The following TSPAN11 variants were observed in gnomAD, a reference collection of about 807,000 sequenced individuals.
The protein encoded by TSPAN11 is tetraspanin 11, also known as tetraspanin-11.
In TSPAN11, 29 loss-of-function variants were observed where a neutral mutation model predicts 32.9. That is an observed-to-expected ratio of 0.88 (90% CI 0.66 to 1.20). TSPAN11 has a LOEUF of 1.20. Ranked by LOEUF, TSPAN11 falls within the 50% of genes most tolerant of loss-of-function variation. TSPAN11 has a pLI of 0.00. For synonymous variants in TSPAN11, 140 were observed against 141.3 expected, an observed-to-expected ratio of 0.99 and a Z score of 0.07; for missense variants, 283 against 329.1, an observed-to-expected ratio of 0.86 and a Z score of 1.08.
intron 7 of TSPAN11, among the ~76,000 whole-genome samples, chr12:30,983,384 A>G (rs11836457): frequency 0.082 from 12,518 of 152,222 alleles, 943 homozygotes; most frequent in African/African-American, 0.2. Context: ...ACTTGTCAGG[A>G]ACAGGGACCT....
intron 5 of TSPAN11, among the ~76,000 whole-genome samples, chr12:30,980,183 G>C (rs919073566): frequency 5.9e-5 from 9 of 152,214 alleles, no homozygotes; most frequent in Non-Finnish European, 1.2e-4. Context: ...GGACAGAAAG[G>C]TTTTCTCCTA....
chr12:31,009,071 C>T, the TSPAN11 span, among the ~76,000 whole-genome samples: 6 of 152,244 alleles, frequency 3.9e-5, no homozygotes, highest in South Asian at 1.2e-3. Context: ...CAATGACTAA[C>T]ACTATAAAAC....
intron 1 of TSPAN11, among the ~76,000 whole-genome samples, chr12:30,930,024 G>A (rs1325250066): frequency 3.3e-5 from 5 of 152,152 alleles, no homozygotes; most frequent in African/African-American, 1.2e-4. Flanking sequence ...TGTTGAGGAC[G>A]GAGACTGTGG....
chr12:31,014,360 A>C, the TSPAN11 span, among the ~76,000 whole-genome samples: 4 of 152,236 alleles, frequency 2.6e-5, no homozygotes, highest in African/African-American at 9.6e-5. Context: ...TGTTAGAACC[A>C]TTCTAACACC....
chr12:31,010,454 C>T, the TSPAN11 span, among the ~76,000 whole-genome samples: 5 of 152,008 alleles, frequency 3.3e-5, no homozygotes, highest in Non-Finnish European at 7.4e-5. Context: ...CATGTGAGGC[C>T]CTTGGTCAAG....
chr12:30,988,740 C>T (rs1054449264), intron 7 of TSPAN11, among the ~76,000 whole-genome samples: 2 of 152,130 alleles, frequency 1.3e-5, no homozygotes, highest in East Asian at 1.9e-4. Context: ...TCAGAGTCCC[C>T]GGGCTCATCT....
At chr12:30,966,294 CAG>C (rs1488973911) in intron 3 of TSPAN11, among the ~76,000 whole-genome samples, 5 of 152,144 alleles carry the variant, frequency 3.3e-5, no homozygotes, top group African/African-American at 4.8e-5. Context: ...AGGTCACAGT[CAG>C]GGGAGGGTAG....
At chr12:30,966,515 T>C (rs1938736247) in intron 3 of TSPAN11, among the ~76,000 whole-genome samples, 1 of 152,228 alleles carries the variant, frequency 6.6e-6, no homozygotes, top group African/African-American at 2.4e-5. Context: ...CAAGAGGTCA[T>C]ATTCACCCCC....
At chr12:30,982,822 C>A in intron 6 of TSPAN11, 132 bp downstream of exon 6, 1 of 1,336,056 alleles carries the variant, frequency 7.5e-7, no homozygotes. Context: ...CACGAGCCCA[C>A]AGTGTCTGGG....
chr12:30,979,490 G>A, intron 4 of TSPAN11, 76 bp from the exon 5 acceptor site: 1 of 1,364,040 alleles, frequency 7.3e-7, no homozygotes, highest in Non-Finnish European at 1.0e-6. Context: ...GCTGGGGGGA[G>A]TTGGAAGTGG....
chr12:30,941,818 G>C (rs1050477906), intron 1 of TSPAN11, among the ~76,000 whole-genome samples: 3 of 152,220 alleles, frequency 2.0e-5, no homozygotes, highest in Non-Finnish European at 4.4e-5. Context: ...CCCCACCAAG[G>C]GTTCTCCTTT....
chr12:30,938,878 A>T (rs954597761), intron 1 of TSPAN11, among the ~76,000 whole-genome samples: 2 of 152,216 alleles, frequency 1.3e-5, no homozygotes, highest in African/African-American at 4.8e-5. Flanking sequence ...TGACTTTGGC[A>T]TCAGCAACAC....
At chr12:30,948,908 T>C (rs1277640096) in intron 1 of TSPAN11, among the ~76,000 whole-genome samples, 1 of 152,222 alleles carries the variant, frequency 6.6e-6, no homozygotes, top group Non-Finnish European at 1.5e-5. Flanking sequence ...ATGCTTTTAA[T>C]AGCACCCAAG....
rs72480042 is a variant in TSPAN11, at chr12:30,933,225, A to G, written c.-12+6429A>G. Among the ~76,000 whole-genome samples the G allele has an allele frequency of 6.8e-3, 1,031 of 151,978 alleles. 75 individuals are homozygous for G. In the South Asian group the frequency reaches 0.13, roughly 20 times the overall value. On this transcript the variant is annotated intron_variant, in intron 1 of 7. Coordinates refer to ENST00000546076, the MANE Select transcript of TSPAN11 (RefSeq NM_001370302.1). ...ACTCTCTGGGTGATCCTTGTCCTCT[A>G]ATTTAACTGGGCAGAGGAGGACACT...
chr12:30,986,226 C>A (rs1449667911), intron 7 of TSPAN11, among the ~76,000 whole-genome samples: 1 of 152,206 alleles, frequency 6.6e-6, no homozygotes, highest in Non-Finnish European at 1.5e-5. Context: ...TGTTCCCCAG[C>A]CCCCAGCTAC....
intron 3 of TSPAN11, among the ~76,000 whole-genome samples, chr12:30,974,650 C>T (rs964253226): frequency 1.3e-5 from 2 of 152,238 alleles, no homozygotes; most frequent in Admixed American, 6.5e-5. Flanking sequence ...ATACCAGGCA[C>T]TGTGGAGGAG....
intron 2 of TSPAN11, among the ~76,000 whole-genome samples, chr12:30,958,721 C>T (rs2140288762): frequency 1.3e-5 from 2 of 152,318 alleles, no homozygotes; most frequent in South Asian, 4.1e-4. Flanking sequence ...AGAAGTCACT[C>T]TGGTGGTTAC....
chr12:31,006,363 T>C, the TSPAN11 span, among the ~76,000 whole-genome samples: 1 of 152,158 alleles, frequency 6.6e-6, no homozygotes, highest in African/African-American at 2.4e-5. Context: ...CCAGCCTGAG[T>C]ATCAAGCCTC....
the TSPAN11 span, among the ~76,000 whole-genome samples, chr12:31,005,203 A>G: frequency 6.6e-6 from 1 of 152,254 alleles, no homozygotes. Context: ...TCAGACAGCC[A>G]ACGCTTAACT....
Sources: gnomAD v4.1 joint callset for allele counts (sites outside exome capture counted in the v4.1 genomes callset) on GRCh38, gnomAD v4.1.1 for gene constraint, MANE v1.5 for transcripts, NCBI Gene and HGNC (gene_info 2026-07-23, HGNC 2026-07-21) for gene names.